EPS15L1: variants seen among roughly 807,000 people sequenced by gnomAD.
The protein encoded by EPS15L1 is epidermal growth factor receptor pathway substrate 15 like 1.
A neutral mutation model predicts 117.1 loss-of-function variants in EPS15L1; 43 were observed. That is an observed-to-expected ratio of 0.37 (90% confidence interval 0.29 to 0.47). The LOEUF (loss-of-function observed/expected upper bound fraction) is 0.47, where lower values mean the gene tolerates loss of function less well. Among genes scored for constraint, EPS15L1 ranks in the 20% least tolerant of loss-of-function variants. The pLI is 0.99. For missense variants in EPS15L1, 981 were observed against 1,164.0 expected (o/e 0.84, Z 2.29); for synonymous variants, 459 against 470.5 (o/e 0.98, Z 0.32).
chr19:16,412,825 C>T (rs762998338), intron 13 of EPS15L1: 13 of 504,858 alleles, frequency 2.6e-5, no homozygotes, highest in African/African-American at 7.8e-5. Context: ...GCACCGGAGC[C>T]GGGACCAAGG....
intron 1 of EPS15L1, among the ~76,000 whole-genome samples, chr19:16,449,076 C>T (rs1044896729): frequency 2.6e-5 from 4 of 151,870 alleles, no homozygotes; most frequent in African/African-American, 9.7e-5. Context: ...GAGTTCCAGA[C>T]CAGCCTGGGC....
chr19:16,458,384 G>A (rs145323635), intron 1 of EPS15L1, among the ~76,000 whole-genome samples: 181 of 152,196 alleles, frequency 1.2e-3, no homozygotes, highest in African/African-American at 4.1e-3. Flanking sequence ...CAACACAGAA[G>A]AGCAAATGCA....
intron 8 of EPS15L1, among the ~76,000 whole-genome samples, chr19:16,428,442 A>G (rs867088007): frequency 4.3e-4 from 49 of 112,700 alleles, no homozygotes; most frequent in Middle Eastern, 4.5e-3. Flanking sequence ...GAAGGAAGGA[A>G]GGAGGGAGGG....
chr19:16,426,802 C>G (rs554656449), intron 8 of EPS15L1, among the ~76,000 whole-genome samples: 17 of 152,288 alleles, frequency 1.1e-4, no homozygotes, highest in African/African-American at 4.1e-4. Flanking sequence ...TTTGGGACAA[C>G]TGATAAAATC....
At position 16,471,795 on chromosome 19, in the gene EPS15L1, T is replaced by C; in HGVS notation, c.33+118A>G. 6.9e-5 allele frequency: 12 copies of C among 173,510 alleles called. No individual in the cohort carries two copies. The highest frequency in any genetic ancestry group is 1.7e-4 in the East Asian group (1 of 5,900). The allele number at this position is 173,510 out of a possible 1,614,324, so 10.7% of individuals were successfully genotyped here. A position where few individuals can be genotyped will look rare whatever the true frequency, so the allele number is the denominator to read the frequency against. On this transcript the variant is annotated intron_variant, in intron 1 of 23. Coordinates refer to ENST00000455140, the MANE Select transcript of EPS15L1 (RefSeq NM_001258374.3). The surrounding 1 kb of genome is among the most constrained non-coding windows in gnomAD (Gnocchi z 4.8). ...CTGCCCACCCGCCCGCCGCAAGCCC[T>C]TCAGCACGCGCCGCCCCCGCCGCCG...
chr19:16,398,796 G>A (rs572039584), intron 16 of EPS15L1, among the ~76,000 whole-genome samples: 6 of 152,166 alleles, frequency 3.9e-5, no homozygotes, highest in South Asian at 4.1e-4. Context: ...CTCCTTAGGC[G>A]ACTGGTGGTC....
At chr19:16,361,137 G>A (rs2092044315) in intron 23 of EPS15L1, among the ~76,000 whole-genome samples, 1 of 152,066 alleles carries the variant, frequency 6.6e-6, no homozygotes, top group Admixed American at 6.5e-5. Flanking sequence ...ATTTGCTTCC[G>A]AAAAGGCACT....
chr19:16,425,048 C>A (rs1361843425), intron 9 of EPS15L1, 35 bp downstream of exon 9: 7 of 1,538,190 alleles, frequency 4.6e-6, no homozygotes, highest in Non-Finnish European at 6.3e-6. Context: ...CTACTGTGCT[C>A]TGAGAGGGGG....
At chr19:16,400,978 G>A (rs531260989) in intron 16 of EPS15L1, 1 of 985,436 alleles carries the variant, frequency 1.0e-6, no homozygotes, top group South Asian at 4.7e-5. Flanking sequence ...AATGCCAGAT[G>A]GGGAAAGTAG....
At chr19:16,459,162 T>C (rs769757919) in intron 1 of EPS15L1, among the ~76,000 whole-genome samples, 3 of 152,230 alleles carry the variant, frequency 2.0e-5, no homozygotes, top group Non-Finnish European at 4.4e-5. Flanking sequence ...CTGTCACATA[T>C]GCAGTCCATC....
intron 1 of EPS15L1, among the ~76,000 whole-genome samples, chr19:16,468,481 G>T (rs1208096917): frequency 3.3e-5 from 5 of 151,572 alleles, no homozygotes; most frequent in Non-Finnish European, 5.9e-5. Flanking sequence ...AAGTTGCTGG[G>T]ATTATAGGCG....
Position 16,371,677 on chromosome 19 carries a change from C to T in EPS15L1, c.2380+5445G>A, listed in dbSNP as rs2092227151. Among the ~76,000 whole-genome samples, 1 of 152,166 alleles carries T rather than the reference C, an allele frequency of 6.6e-6. No individual in the cohort carries two copies. On this transcript the variant is annotated intron_variant, in intron 22 of 23. Coordinates refer to ENST00000455140, the MANE Select transcript of EPS15L1 (RefSeq NM_001258374.3). This position sits in a 1 kb window ranked among gnomAD's most constrained non-coding sequence, Gnocchi z 4.7. ...GCAGGGCCGCGCTGGCAGGAAGTGG[C>T]AAGGGTGGGGCCGGTCGCAGGATCC...
At chr19:16,390,923 C>T (rs1406096022) in intron 19 of EPS15L1, among the ~76,000 whole-genome samples, 2 of 152,168 alleles carry the variant, frequency 1.3e-5, no homozygotes, top group Non-Finnish European at 2.9e-5. Flanking sequence ...TCCTGATAAA[C>T]CCATTGTAAG....
At chr19:16,453,956 G>A (rs2093170909) in intron 1 of EPS15L1, among the ~76,000 whole-genome samples, 1 of 151,680 alleles carries the variant, frequency 6.6e-6, no homozygotes, top group South Asian at 2.1e-4. Flanking sequence ...AGCTGCGTCA[G>A]GTTTAAGTGT....
chr19:16,395,151 C>T (rs1329833002), intron 17 of EPS15L1, among the ~76,000 whole-genome samples, 193 bp downstream of exon 17: 2 of 149,694 alleles, frequency 1.3e-5, no homozygotes, highest in African/African-American at 2.5e-5. Context: ...GCCGAGATTG[C>T]GCCACTGCAT....
At chr19:16,440,612 T>C (rs962206578) in intron 4 of EPS15L1, 10 of 266,856 alleles carry the variant, frequency 3.7e-5, no homozygotes, top group Non-Finnish European at 5.6e-5. Context: ...TTTAATCACA[T>C]GTAAGGTTAC....
intron 7 of EPS15L1, 34 bp downstream of exon 7, chr19:16,434,331 G>GA: frequency 6.2e-7 from 1 of 1,608,026 alleles, no homozygotes; most frequent in South Asian, 1.1e-5. Context: ...CAGGGACACT[G>GA]AGTGCAGAAG....
Position 16,402,216 on chromosome 19 carries a change from G to A in EPS15L1, c.1791+105C>T, listed in dbSNP as rs992608584. 28 of 1,479,628 alleles carry A rather than the reference G, an allele frequency of 1.9e-5. No homozygotes were observed. In the Admixed American group the frequency reaches 3.2e-4, roughly 17 times the overall value. 91.7% of individuals were successfully genotyped at this position (1,479,628 alleles called of 1,614,324 possible). A position where few individuals can be genotyped will look rare whatever the true frequency, so the allele number is the denominator to read the frequency against. On this transcript the variant is annotated intron_variant, in intron 16 of 23. Coordinates refer to ENST00000455140, the MANE Select transcript of EPS15L1 (RefSeq NM_001258374.3). ...AAACAACAGACAGCCGCCTGCACTTGGCTGGAACCAACGTTGGCCATGAAC... is the reference window on the plus strand; with the variant it reads ...AAACAACAGACAGCCGCCTGCACTTAGCTGGAACCAACGTTGGCCATGAAC...
At position 16,401,208 on chromosome 19, in the gene EPS15L1, G is replaced by A. The variant is rs543610147; in HGVS notation, c.1791+1113C>T. ...GAAAGAGGGAGGCGGTGCACCCAGC[G>A]GGGGCCAGACACAAGAGACAGATGA... On this transcript the variant is annotated intron_variant, in intron 16 of 23. Coordinates refer to ENST00000455140, the MANE Select transcript of EPS15L1 (RefSeq NM_001258374.3). 9.8e-5 allele frequency: 97 copies of A among 985,470 alleles called. 1 individual carries two copies. The South Asian group carries it at 3.9e-3, about 39-fold the overall frequency. The allele number at this position is 985,470 out of a possible 1,614,324, so 61.0% of individuals were successfully genotyped here.
Sources: allele counts gnomAD v4.1 joint callset (sites outside exome capture counted in the v4.1 genomes callset), GRCh38; gene constraint gnomAD v4.1.1; non-coding constraint Gnocchi (gnomAD v3.1); transcripts MANE v1.5; gene names NCBI Gene and HGNC (gene_info 2026-07-23, HGNC 2026-07-21).